The following PTPRF variants were observed in gnomAD, a reference collection of about 807,000 sequenced individuals.
The protein encoded by PTPRF is protein tyrosine phosphatase receptor type F, also known as receptor-type tyrosine-protein phosphatase F.
Under a neutral mutation model 201.8 loss-of-function variants are expected in PTPRF, and 59 were observed. The observed-to-expected ratio is 0.29, with a 90% confidence interval of 0.24 to 0.36. The LOEUF (loss-of-function observed/expected upper bound fraction) is 0.36. Ranked by LOEUF, PTPRF falls within the 10% of genes least tolerant of loss-of-function variation. The pLI is 1.00. For missense variants in PTPRF, 2,132 were observed against 2,690.5 expected (o/e 0.79, Z 4.59); for synonymous variants, 1,088 against 1,089.7 (o/e 1.00, Z 0.03).
rs770437622 is a variant in PTPRF, at chr1:43,578,946, C to T, written c.679+26C>T. 8 of 1,604,974 alleles carry T rather than the reference C, an allele frequency of 5.0e-6. No individual in the cohort carries two copies. In the Middle Eastern group the frequency reaches 5.0e-4, roughly 100 times the overall value. On this transcript the variant is annotated intron_variant, in intron 7 of 33. Transcript: ENST00000359947. ...GTAAGGACTCAGGCAGTGCCTGGCCCCTGTCACCACAGAGCTGTGCTGCAC... is the reference window on the plus strand; with the variant it reads ...GTAAGGACTCAGGCAGTGCCTGGCCTCTGTCACCACAGAGCTGTGCTGCAC...
At chr1:43,563,835 C>T (rs1055005047) in intron 5 of PTPRF, among the ~76,000 whole-genome samples, 1 of 152,120 alleles carries the variant, frequency 6.6e-6, no homozygotes, top group Non-Finnish European at 1.5e-5. Flanking sequence ...TGGGGAGCCA[C>T]TGAAGGAGAG....
intron 12 of PTPRF, 190 bp from the exon 13 acceptor site, chr1:43,598,530 G>T: frequency 1.6e-6 from 1 of 611,480 alleles, no homozygotes; most frequent in Non-Finnish European, 2.8e-6. Context: ...GGCCAGTCCT[G>T]GGCTCTTACC....
At chr1:43,558,299 C>T (rs1426105218) in intron 5 of PTPRF, among the ~76,000 whole-genome samples, 1 of 152,134 alleles carries the variant, frequency 6.6e-6, no homozygotes. Flanking sequence ...TCCAGGCCTG[C>T]AGTCTGTTCT....
At chr1:43,575,811 C>G (rs535206908) in intron 6 of PTPRF, 4 of 1,122,100 alleles carry the variant, frequency 3.6e-6, no homozygotes, top group Middle Eastern at 2.3e-4. Flanking sequence ...AAGGCCCTTT[C>G]TTGTGTTTTA....
At position 43,603,535 on chromosome 1, in the gene PTPRF, T is replaced by TGA. The variant is rs1654305231; in HGVS notation, c.2458+4_2458+5dup. ...AAATTGTCACTACAACAGGTGCAGG[T>TGA]GAGTGAGGGGTCAGGACGGACCTGA... is the stretch of plus-strand genomic sequence containing the variant. On this transcript the variant is annotated splice_region_variant and intron_variant, in intron 15 of 33. Transcript: ENST00000359947. The surrounding 1 kb of genome is among the most constrained non-coding windows in gnomAD (Gnocchi z 5.8). 6.2e-7 allele frequency: 1 copy of TGA among 1,613,324 alleles called. No individual in the cohort carries two copies. Among genetic ancestry groups the TGA allele is most frequent in the Non-Finnish European group, 8.5e-7 (1 of 1,179,672 alleles).
chr1:43,612,734 T>G, intron 22 of PTPRF: 1 of 1,359,016 alleles, frequency 7.4e-7, no homozygotes, highest in Non-Finnish European at 9.8e-7. Context: ...CCCCGTTGTT[T>G]TTTTCGTTTG....
At chr1:43,555,985 A>G (rs1645342839) in intron 5 of PTPRF, among the ~76,000 whole-genome samples, 1 of 152,226 alleles carries the variant, frequency 6.6e-6, no homozygotes, top group Non-Finnish European at 1.5e-5. Context: ...TGATATTTCC[A>G]GAAGATTGTG....
chr1:43,574,403 T>G (rs1646787776), intron 6 of PTPRF, among the ~76,000 whole-genome samples: 1 of 152,184 alleles, frequency 6.6e-6, no homozygotes, highest in South Asian at 2.1e-4. Flanking sequence ...TATTATATAT[T>G]AGCATAAATA....
At position 43,598,819 on chromosome 1, in the gene PTPRF, A is replaced by G. The variant is rs1404378647; in HGVS notation, c.2219A>G (p.Gln740Arg). 1 of 1,614,100 alleles carries G rather than the reference A, an allele frequency of 6.2e-7. No homozygotes were observed. The highest frequency in any genetic ancestry group is 8.5e-7 in the Non-Finnish European group (1 of 1,180,044). Residue 740 changes from glutamine to arginine, a missense_variant, in exon 13 of 34, where the codon CAG becomes CGG. Physicochemically the swap from Gln to Arg is conservative, Grantham distance 43. Transcript: ENST00000359947. ...KLPVPSKQHG[Q>R]IRGYQVTYVR... ...CCTGTCCCCAGCAAGCAGCATGGCCAGATCCGCGGCTACCAGGTCACCTAC... is the reference window on the plus strand; with the variant it reads ...CCTGTCCCCAGCAAGCAGCATGGCCGGATCCGCGGCTACCAGGTCACCTAC...
intron 2 of PTPRF, among the ~76,000 whole-genome samples, chr1:43,541,843 G>A (rs542226978): frequency 6.6e-6 from 1 of 152,298 alleles, no homozygotes; most frequent in South Asian, 2.1e-4. Context: ...TCCTGCCCAA[G>A]TATGTCAGCT....
upstream of PTPRF, among the ~76,000 whole-genome samples, chr1:43,522,896 A>T (rs902386585): frequency 2.6e-5 from 4 of 152,196 alleles, no homozygotes; most frequent in African/African-American, 9.7e-5. Flanking sequence ...AGCCATTCGA[A>T]GGTTTTCGTG....
chr1:43,581,885 A>T (rs1275048114), intron 7 of PTPRF, among the ~76,000 whole-genome samples: 2 of 152,158 alleles, frequency 1.3e-5, no homozygotes, highest in African/African-American at 2.4e-5. Flanking sequence ...GGGCTGGACG[A>T]TTCTTAGTTG....
At position 43,537,989 on chromosome 1, in the gene PTPRF, A is replaced by G. The variant is rs1051460399; in HGVS notation, c.-125-209A>G. Among the ~76,000 whole-genome samples, 1 of 152,130 alleles carries G rather than the reference A, an allele frequency of 6.6e-6. No individual in the cohort carries two copies. Among genetic ancestry groups the G allele is most frequent in the Non-Finnish European group, 1.5e-5 (1 of 68,020 alleles). ...CCTGGAAGGACGCCCAGCACATAGT[A>G]GGTGCTTAGGGAGTATCAAAATGAA... is the stretch of plus-strand genomic sequence containing the variant. On this transcript the variant is annotated intron_variant, in intron 1 of 33. Coordinates refer to ENST00000359947, the MANE Select transcript of PTPRF (RefSeq NM_002840.5). The surrounding 1 kb of genome is among the most constrained non-coding windows in gnomAD (Gnocchi z 4.8).
upstream of PTPRF, among the ~76,000 whole-genome samples, chr1:43,530,336 A>G (rs1231142656): frequency 6.6e-6 from 1 of 151,852 alleles, no homozygotes; most frequent in African/African-American, 2.4e-5. This position sits in a 1 kb window ranked among gnomAD's most constrained non-coding sequence, Gnocchi z 4.1. Flanking sequence ...TCATTTAGGG[A>G]CTGGGGGCTG....
At chr1:43,545,464 G>A (rs1300515599) in intron 3 of PTPRF, among the ~76,000 whole-genome samples, 1 of 152,136 alleles carries the variant, frequency 6.6e-6, no homozygotes, top group Non-Finnish European at 1.5e-5. Flanking sequence ...GCGCGTGTGT[G>A]TGCTGTGTGC....
In PTPRF at chr1:43,598,926, G is replaced by A. The variant is rs756412082; in HGVS notation, c.2313+13G>A. ...AGCCGAGGCCCAGGTGCAGCATTGGGTGGTGGTGGGGTGGCAGGGTGAGCA... is the reference window on the plus strand; with the variant it reads ...AGCCGAGGCCCAGGTGCAGCATTGGATGGTGGTGGGGTGGCAGGGTGAGCA... On this transcript the variant is annotated intron_variant, in intron 13 of 33. Coordinates refer to ENST00000359947, the MANE Select transcript of PTPRF (RefSeq NM_002840.5). 1.2e-6 allele frequency: 2 copies of A among 1,610,124 alleles called. No homozygotes were observed. The highest frequency in any genetic ancestry group is 1.7e-6 in the Non-Finnish European group (2 of 1,178,246).
rs1421156037 is a variant in PTPRF, at chr1:43,537,012, T to G, written c.-125-1186T>G. On this transcript the variant is annotated intron_variant, in intron 1 of 33. Coordinates refer to ENST00000359947, the MANE Select transcript of PTPRF (RefSeq NM_002840.5). This position sits in a 1 kb window ranked among gnomAD's most constrained non-coding sequence, Gnocchi z 4.8. ...ACATTCCCACGCACCACCCTCCCAC[T>G]GTGGTTTCTTTGTGTCCGTTATAGG... Among the ~76,000 whole-genome samples, 1 of 152,162 alleles carries G rather than the reference T, an allele frequency of 6.6e-6. No homozygotes were observed. Among genetic ancestry groups the G allele is most frequent in the Non-Finnish European group, 1.5e-5 (1 of 68,028 alleles).
chr1:43,562,112 C>G (rs1302102033), intron 5 of PTPRF, among the ~76,000 whole-genome samples: 1 of 151,634 alleles, frequency 6.6e-6, no homozygotes, highest in Non-Finnish European at 1.5e-5. Flanking sequence ...GGAGAGAGGA[C>G]TTGTTTTTTT....
chr1:43,602,094 CTATG>C lies in PTPRF; in HGVS notation c.2340_2340+3del, dbSNP rs1557823292. On this transcript the variant is annotated splice_donor_variant and coding_sequence_variant, in exon 14 of 34. Transcript: ENST00000359947. LOFTEE classifies it high-confidence loss of function. The stretch of plus-strand genomic sequence containing the variant: ...AGTGGCGGCCAGAGGAGTCCGAGGA[CTATG>C]TAAGTAACAGGTGTGCGAACGCGGA... 2 of 1,613,354 alleles carry C rather than the reference CTATG, an allele frequency of 1.2e-6. No homozygotes were observed. Among genetic ancestry groups the C allele is most frequent in the Admixed American group, 1.7e-5 (1 of 60,010 alleles).
Sources: allele counts gnomAD v4.1 joint callset (sites outside exome capture counted in the v4.1 genomes callset), GRCh38; gene constraint gnomAD v4.1.1; non-coding constraint Gnocchi (gnomAD v3.1); transcripts MANE v1.5; gene names NCBI Gene and HGNC (gene_info 2026-07-23, HGNC 2026-07-21).